The following NAA11 variants were observed in gnomAD, a reference collection of about 807,000 sequenced individuals.
NAA11 encodes the protein N-alpha-acetyltransferase 11.
Under a neutral mutation model 16.1 loss-of-function variants are expected in NAA11, and 15 were observed. The observed-to-expected ratio is 0.93, with a 90% CI of 0.62 to 1.44. The LOEUF (loss-of-function observed/expected upper bound fraction) is 1.44, where lower values mean the gene tolerates loss of function less well. Among genes scored for constraint, NAA11 ranks in the 40% most tolerant of loss-of-function variants. NAA11 has a pLI of 0.00. For synonymous variants in NAA11, 122 were observed against 112.4 expected, an observed-to-expected ratio of 1.09 and a Z score of -0.54; for missense variants, 298 against 291.3, an observed-to-expected ratio of 1.02 and a Z score of -0.17.
the NAA11 span, among the ~76,000 whole-genome samples, chr4:79,159,800 A>G: frequency 1.3e-5 from 2 of 152,190 alleles, no homozygotes; most frequent in Non-Finnish European, 2.9e-5. Context: ...GGAAATATAT[A>G]ATATGTGCCC....
chr4:79,291,739 T>C (rs1253091251), intron 2 of NAA11, among the ~76,000 whole-genome samples: 3 of 151,450 alleles, frequency 2.0e-5, no homozygotes, highest in Non-Finnish European at 2.9e-5. Context: ...AACAAACAAA[T>C]AAATAAATGT....
the NAA11 span, among the ~76,000 whole-genome samples, chr4:79,176,348 G>A: frequency 6.6e-6 from 1 of 152,048 alleles, no homozygotes; most frequent in East Asian, 1.9e-4. Flanking sequence ...AGAACCAATG[G>A]GATATGTATA....
chr4:79,280,588 T>C (rs1578176670), intron 2 of NAA11, among the ~76,000 whole-genome samples: 1 of 152,180 alleles, frequency 6.6e-6, no homozygotes, highest in East Asian at 1.9e-4. Context: ...CTGATACATT[T>C]TGATACTTTT....
downstream of NAA11, among the ~76,000 whole-genome samples, chr4:79,223,753 AT>A (rs200750063): frequency 2.4e-3 from 343 of 145,546 alleles, 3 homozygotes; most frequent in East Asian, 7.4e-3. Context: ...ACTTGAAATA[AT>A]TTTTTTTTTT....
At chr4:79,157,489 A>C in the NAA11 span, among the ~76,000 whole-genome samples, 3 of 151,870 alleles carry the variant, frequency 2.0e-5, no homozygotes, top group Admixed American at 6.6e-5. Flanking sequence ...GAATATATAT[A>C]TACACACATA....
chr4:79,322,224 A>G (rs930332677), intron 1 of NAA11, among the ~76,000 whole-genome samples: 1 of 152,246 alleles, frequency 6.6e-6, no homozygotes, highest in African/African-American at 2.4e-5. Flanking sequence ...GGATGGGGCC[A>G]TTGAATATGT....
intron 1 of NAA11, among the ~76,000 whole-genome samples, chr4:79,295,934 G>A (rs1474127832): frequency 1.3e-5 from 2 of 152,108 alleles, no homozygotes; most frequent in Non-Finnish European, 2.9e-5. Context: ...TGTCTTTAAA[G>A]TATTAGATTA....
chr4:79,178,467 A>C, the NAA11 span, among the ~76,000 whole-genome samples: 3 of 152,354 alleles, frequency 2.0e-5, no homozygotes, highest in East Asian at 5.8e-4. Flanking sequence ...ATAATGACCT[A>C]TGTCAAATAC....
chr4:79,180,089 C>T, the NAA11 span, among the ~76,000 whole-genome samples: 10 of 152,102 alleles, frequency 6.6e-5, no homozygotes, highest in East Asian at 1.9e-4. Context: ...GTGGGGATTA[C>T]GGGGACTACA....
At chr4:79,182,173 A>G in the NAA11 span, among the ~76,000 whole-genome samples, 1 of 152,198 alleles carries the variant, frequency 6.6e-6, no homozygotes, top group African/African-American at 2.4e-5. Flanking sequence ...CCAGCATGCT[A>G]AACTCATCAT....
At chr4:79,204,241 G>A in the NAA11 span, among the ~76,000 whole-genome samples, 1 of 151,688 alleles carries the variant, frequency 6.6e-6, no homozygotes, top group Admixed American at 6.6e-5. Flanking sequence ...TTACACTAAG[G>A]AAAATTCAAA....
chr4:79,267,797 G>A (rs931491178), intron 2 of NAA11, among the ~76,000 whole-genome samples: 1 of 152,072 alleles, frequency 6.6e-6, no homozygotes, highest in Non-Finnish European at 1.5e-5. Flanking sequence ...GAGTTTTAGG[G>A]TGTGTGTCTT....
chr4:79,291,487 G>A (rs1385016988), intron 2 of NAA11, among the ~76,000 whole-genome samples: 1 of 151,966 alleles, frequency 6.6e-6, no homozygotes, highest in Non-Finnish European at 1.5e-5. Flanking sequence ...AAAAGAATTG[G>A]GCCGGGCCTG....
At chr4:79,207,907 G>GTATTTTATATA in the NAA11 span, among the ~76,000 whole-genome samples, 1 of 152,098 alleles carries the variant, frequency 6.6e-6, no homozygotes, top group East Asian at 1.9e-4. Flanking sequence ...TCTATATTAT[G>GTATTTTATATA]TATTTTATAT....
intron 2 of NAA11, among the ~76,000 whole-genome samples, chr4:79,263,976 G>T (rs928268442): frequency 2.6e-5 from 4 of 152,004 alleles, no homozygotes; most frequent in Non-Finnish European, 5.9e-5. Flanking sequence ...CAAACTCCTC[G>T]CTTTAAGCAA....
At chr4:79,179,806 G>T in the NAA11 span, among the ~76,000 whole-genome samples, 1 of 152,172 alleles carries the variant, frequency 6.6e-6, no homozygotes, top group Non-Finnish European at 1.5e-5. Context: ...ATAAAGAATT[G>T]CTTCAGACTG....
At chr4:79,306,442 CTCT>C (rs1723581690) in intron 1 of NAA11, among the ~76,000 whole-genome samples, 1 of 152,236 alleles carries the variant, frequency 6.6e-6, no homozygotes, top group East Asian at 1.9e-4. Context: ...GTCTAATCTC[CTCT>C]TATTATAAGG....
chr4:79,203,311 T>G, the NAA11 span, among the ~76,000 whole-genome samples: 1 of 151,760 alleles, frequency 6.6e-6, no homozygotes, highest in Non-Finnish European at 1.5e-5. Flanking sequence ...TTGCAACACA[T>G]ACTTGCACCT....
At chr4:79,253,012 T>A (rs1722029772) in intron 2 of NAA11, among the ~76,000 whole-genome samples, 1 of 152,138 alleles carries the variant, frequency 6.6e-6, no homozygotes. Flanking sequence ...ATGGCTGGGA[T>A]CAGGGAAGTA....
Sources: allele counts gnomAD v4.1 joint callset (sites outside exome capture counted in the v4.1 genomes callset), GRCh38; gene constraint gnomAD v4.1.1; transcripts MANE v1.5; gene names NCBI Gene and HGNC (gene_info 2026-07-23, HGNC 2026-07-21).